Variants in RAG1 observed in about 807,000 individuals in gnomAD.
The protein encoded by RAG1 is recombination activating 1.
Under a neutral mutation model 62.7 loss-of-function variants are expected in RAG1, and 35 were observed. The observed-to-expected ratio is 0.56, with a 90% CI of 0.43 to 0.74. The LOEUF (loss-of-function observed/expected upper bound fraction) is 0.74. Among genes scored for constraint, RAG1 ranks in the 30% least tolerant of loss-of-function variants. The pLI, the probability that RAG1 is intolerant of heterozygous loss-of-function variation, is 0.00. For synonymous variants in RAG1, 461 were observed against 470.3 expected, an observed-to-expected ratio of 0.98 and a Z score of 0.26; for missense variants, 1,169 against 1,278.6, an observed-to-expected ratio of 0.91 and a Z score of 1.31.
rs1033264316 is a variant in RAG1, at chr11:36,579,726, G to A, written c.*3290G>A. 1 of 166,500 alleles carries A rather than the reference G, an allele frequency of 6.0e-6. No homozygotes were observed. Among genetic ancestry groups the A allele is most frequent in the Non-Finnish European group, 1.5e-5 (1 of 67,990 alleles). 10.3% of individuals were successfully genotyped at this position (166,500 alleles called of 1,614,324 possible). The stretch of plus-strand genomic sequence containing the variant: ...TTATGGTTATTGTCAGCAATTTTAT[G>A]TTTGAATATTTGAAATAAAAGTTTA... On this transcript the variant is annotated 3_prime_UTR_variant, in exon 2 of 2. Transcript: ENST00000299440.
intron 2 of RAG1, among the ~76,000 whole-genome samples, chr11:36,526,599 T>C (rs1337210393): frequency 6.6e-6 from 1 of 152,204 alleles, no homozygotes; most frequent in African/African-American, 2.4e-5. Context: ...ATATATCCAG[T>C]AATGGGATTG....
intron 3 of RAG1, among the ~76,000 whole-genome samples, chr11:36,544,075 A>G (rs1291356370): frequency 6.6e-6 from 1 of 152,262 alleles, no homozygotes; most frequent in Admixed American, 6.5e-5. Context: ...TTCATGAACC[A>G]GTAAACTTCC....
intron 1 of RAG1, among the ~76,000 whole-genome samples, chr11:36,515,952 T>TA (rs1360830518): frequency 2.0e-5 from 3 of 152,314 alleles, no homozygotes; most frequent in East Asian, 3.9e-4. Flanking sequence ...CCAAATCCAA[T>TA]AAAAAACCTA....
At chr11:36,551,012 G>A (rs547814790) in intron 3 of RAG1, among the ~76,000 whole-genome samples, 24 of 152,228 alleles carry the variant, frequency 1.6e-4, no homozygotes, top group African/African-American at 5.8e-4. Flanking sequence ...GAAAGAGGAG[G>A]TTGTTCTCAG....
At chr11:36,543,989 G>T (rs1423298356) in intron 3 of RAG1, among the ~76,000 whole-genome samples, 4 of 152,160 alleles carry the variant, frequency 2.6e-5, no homozygotes, top group Non-Finnish European at 5.9e-5. Context: ...TGAGAAGATA[G>T]TACAGAGAAT....
rs747972423 is a variant in RAG1 at position 36,575,473 on chromosome 11, T to A, written c.2169T>A (p.Ala723=). The A allele has an allele frequency of 6.2e-7, 1 of 1,614,208 alleles. No individual in the cohort carries two copies. The highest frequency in any genetic ancestry group is 8.5e-7 in the Non-Finnish European group (1 of 1,180,036). Residue 723 remains alanine, a synonymous_variant, in exon 2 of 2, where the codon GCT becomes GCA. Coordinates refer to ENST00000299440, the MANE Select transcript of RAG1 (RefSeq NM_000448.3). The surrounding 1 kb of genome is among the most constrained non-coding windows in gnomAD (Gnocchi z 4.1). ...TGCGGGAAGTGGAAGGCCTCGAGGC[T>A]TCTGGCTCAGTCTACATTTGTACTC... ...KLVREVEGLE[A]SGSVYICTLC...
At position 36,548,453 on chromosome 11, in the gene RAG1, T is replaced by A. The variant is rs573622865; in HGVS notation, c.-412+12419T>A. Among the ~76,000 whole-genome samples the A allele has an allele frequency of 7.2e-5, 11 of 152,116 alleles. No individual in the cohort carries two copies. The South Asian group carries it at 2.3e-3, about 32-fold the overall frequency. On this transcript the variant is annotated intron_variant and NMD_transcript_variant, in intron 3 of 9. Transcript: ENST00000534663. ...GGATACAAAAATCAATGTGCAAAAA[T>A]CACAAGCATTCCTATACAGCAATAA... is the stretch of plus-strand genomic sequence containing the variant.
chr11:36,540,085 C>T (rs947515631), downstream of RAG1, among the ~76,000 whole-genome samples: 2 of 152,164 alleles, frequency 1.3e-5, no homozygotes, highest in African/African-American at 2.4e-5. Flanking sequence ...GAGGGCTGGT[C>T]GTGTGAACAT....
chr11:36,560,709 T>C lies in RAG1; in HGVS notation c.-411-2676T>C, dbSNP rs531406122. Among the ~76,000 whole-genome samples the C allele has an allele frequency of 2.0e-5, 3 of 152,208 alleles. No homozygotes were observed. In the East Asian group the frequency reaches 5.8e-4, roughly 29 times the overall value. ...AGGACCGTGGGGACTGTGGGGGTCT[T>C]TTGTACCTAGGATTTCAGGCATCTG... On this transcript the variant is annotated intron_variant and NMD_transcript_variant, in intron 3 of 9. Coordinates refer to the RAG1 transcript ENST00000534663.
intron 1 of RAG1, among the ~76,000 whole-genome samples, chr11:36,570,735 C>T (rs1850727376): frequency 6.6e-6 from 1 of 152,148 alleles, no homozygotes; most frequent in East Asian, 1.9e-4. Context: ...GAGATGACAT[C>T]TCATTGTAGT....
Position 36,576,313 on chromosome 11 carries a change from G to A in RAG1, c.3009G>A (p.Gln1003=). The part of the protein sequence containing the change: ...HHWLYTSKYL[Q]KFMNAHNALK... ...GGTTGTACACCTCCAAATACCTCCA[G>A]AAGTTTATGAATGCTCATAATGCAT... The change falls in exon 2 of 2, where the codon CAG becomes CAA. Residue 1003 remains glutamine (Q), a synonymous_variant. Transcript: ENST00000299440. The A allele has an allele frequency of 6.2e-7, 1 of 1,614,072 alleles. No homozygotes were observed. The highest frequency in any genetic ancestry group is 8.5e-7 in the Non-Finnish European group (1 of 1,180,032).
chr11:36,551,601 C>CTT lies in RAG1; in HGVS notation c.-411-11767_-411-11766dup, dbSNP rs199642455. Among the ~76,000 whole-genome samples the CTT allele has an allele frequency of 8.3e-3, 1,109 of 133,166 alleles. 10 individuals are homozygous for CTT. Among genetic ancestry groups the CTT allele is most frequent in the African/African-American group, 0.021 (779 of 36,324 alleles). 87.4% of individuals were successfully genotyped at this position (133,166 alleles called of 152,430 possible). A position where few individuals can be genotyped will look rare whatever the true frequency, so the allele number is the denominator to read the frequency against. ...TGACCTCATTTTAACTTAATTACTT[C>CTT]TTTTTTTTTTTTTTTTTTATTATAC... On this transcript the variant is annotated intron_variant and NMD_transcript_variant, in intron 3 of 9. Transcript: ENST00000534663.
intron 2 of RAG1, among the ~76,000 whole-genome samples, chr11:36,528,599 G>C (rs1399597597): frequency 1.3e-5 from 2 of 151,970 alleles, no homozygotes; most frequent in African/African-American, 4.8e-5. Context: ...AGAGAAGCAA[G>C]AGCAAACCAA....
intron 1 of RAG1, among the ~76,000 whole-genome samples, chr11:36,518,677 T>C (rs1860031903): frequency 6.6e-6 from 1 of 152,238 alleles, no homozygotes; most frequent in Non-Finnish European, 1.5e-5. Context: ...AGCCCACTTT[T>C]TGATGGGGTT....
At chr11:36,536,363 A>C (rs1380561588), downstream of RAG1, among the ~76,000 whole-genome samples, 2 of 152,188 alleles carry the variant, frequency 1.3e-5, no homozygotes, top group African/African-American at 4.8e-5. Context: ...GAATGAAAGA[A>C]GCCAGAAAAA....
chr11:36,516,035 G>A (rs1483499384), intron 1 of RAG1, among the ~76,000 whole-genome samples: 2 of 151,916 alleles, frequency 1.3e-5, no homozygotes, highest in African/African-American at 4.8e-5. Flanking sequence ...TCTTAATTTT[G>A]AAGAAAGGGG....
intron 1 of RAG1, among the ~76,000 whole-genome samples, chr11:36,570,656 C>T (rs1850726455): frequency 6.6e-6 from 1 of 152,158 alleles, no homozygotes; most frequent in Non-Finnish European, 1.5e-5. Flanking sequence ...TGAAGGTTCC[C>T]TTTTCTCTAC....
intron 1 of RAG1, among the ~76,000 whole-genome samples, chr11:36,514,137 A>G (rs2133689085): frequency 6.6e-6 from 1 of 152,278 alleles, no homozygotes; most frequent in South Asian, 2.1e-4. Context: ...TAGCCAGACG[A>G]TTGCTGAGGC....
upstream of RAG1, among the ~76,000 whole-genome samples, chr11:36,566,048 A>G (rs917762362): frequency 2.6e-5 from 4 of 152,214 alleles, no homozygotes; most frequent in African/African-American, 9.6e-5. Flanking sequence ...TGAAAAATTG[A>G]GCAATACAGA....
Sources: allele counts gnomAD v4.1 joint callset (sites outside exome capture counted in the v4.1 genomes callset), GRCh38; gene constraint gnomAD v4.1.1; non-coding constraint Gnocchi (gnomAD v3.1); transcripts MANE v1.5; gene names NCBI Gene and HGNC (gene_info 2026-07-23, HGNC 2026-07-21).